MLLT1: variants seen among roughly 807,000 people sequenced by gnomAD.
The protein encoded by MLLT1 is protein ENL.
Under a neutral mutation model 55.1 loss-of-function variants are expected in MLLT1, and 11 were observed. The observed-to-expected ratio is 0.20, with a 90% CI of 0.13 to 0.33. The LOEUF (loss-of-function observed/expected upper bound fraction) is 0.33. Among genes scored for constraint, MLLT1 ranks in the 10% least tolerant of loss-of-function variants. The pLI is 1.00. For synonymous variants in MLLT1, 323 were observed against 320.1 expected, an observed-to-expected ratio of 1.01 and a Z score of -0.10; for missense variants, 536 against 760.6, an observed-to-expected ratio of 0.70 and a Z score of 3.47.
intron 3 of MLLT1, among the ~76,000 whole-genome samples, chr19:6,245,127 G>A (rs1430312336): frequency 5.3e-5 from 8 of 151,926 alleles, no homozygotes; most frequent in Admixed American, 1.3e-4. Context: ...GATCACTTGA[G>A]GCTGGGGGTT....
At chr19:6,252,170 G>C (rs2091221393) in intron 3 of MLLT1, among the ~76,000 whole-genome samples, 1 of 152,134 alleles carries the variant, frequency 6.6e-6, no homozygotes, top group Admixed American at 6.5e-5. Context: ...AAGTCAGGGA[G>C]GGCAATCTCT....
rs2090787224 is a variant in MLLT1 at position 6,212,523 on chromosome 19, C to A, written c.*519G>T. The stretch of plus-strand genomic sequence containing the variant: ...GAGAACTATACAGCACAGACCCCAG[C>A]GCAGCGCGAGCCGGGGAGGAGCCGG... On this transcript the variant is annotated 3_prime_UTR_variant, in exon 12 of 12. Transcript: ENST00000252674. The A allele has an allele frequency of 5.6e-6, 6 of 1,080,798 alleles. No individual in the cohort carries two copies. In the South Asian group the frequency reaches 1.7e-4, roughly 31 times the overall value. The allele number at this position is 1,080,798 out of a possible 1,614,324, so 67.0% of individuals were successfully genotyped here.
chr19:6,216,176 G>C (rs2090841362), intron 8 of MLLT1, among the ~76,000 whole-genome samples: 1 of 152,272 alleles, frequency 6.6e-6, no homozygotes, highest in South Asian at 2.1e-4. Context: ...GCCCCAGATG[G>C]GGGCAGCCCT....
intron 5 of MLLT1, among the ~76,000 whole-genome samples, chr19:6,223,684 C>T (rs1391848886): frequency 1.3e-5 from 2 of 152,148 alleles, no homozygotes; most frequent in African/African-American, 2.4e-5. Flanking sequence ...CCAGCCTGGG[C>T]GCTGCTGCTT....
chr19:6,215,305 C>T (rs905928497), intron 8 of MLLT1, among the ~76,000 whole-genome samples: 2 of 152,252 alleles, frequency 1.3e-5, no homozygotes, highest in Non-Finnish European at 2.9e-5. Flanking sequence ...CTTCCGTCAG[C>T]CTCTCTGCGC....
rs188683704 is a variant in MLLT1, at chr19:6,243,586, A to C, written c.277-12873T>G. On this transcript the variant is annotated intron_variant, in intron 3 of 11. Transcript: ENST00000252674. ...GACTCGACCCCTTATGCAGGATCTA[A>C]CAGCAAATGCCACCATGTCACCCCC... Among the ~76,000 whole-genome samples the C allele has an allele frequency of 4.3e-3, 651 of 152,216 alleles. 3 individuals are homozygous for C. The highest frequency in any genetic ancestry group is 0.014 in the African/African-American group (569 of 41,530).
rs1313563152 is a variant in MLLT1, at chr19:6,230,905, G to A, written c.277-192C>T. 1.3e-5 allele frequency among the ~76,000 whole-genome samples: 2 copies of A among 152,154 alleles called. No individual in the cohort carries two copies. The highest frequency in any genetic ancestry group is 2.4e-5 in the African/African-American group (1 of 41,408). ...AAAATCGACCAGCTTACTATGTGCA[G>A]CTAACTGGGTCTTGCAGGCCCCATG... On this transcript the variant is annotated intron_variant, in intron 3 of 11. Coordinates refer to ENST00000252674, the MANE Select transcript of MLLT1 (RefSeq NM_005934.4). This position sits in a 1 kb window ranked among gnomAD's most constrained non-coding sequence, Gnocchi z 9.0.
At chr19:6,254,650 G>A (rs1313950124) in intron 3 of MLLT1, among the ~76,000 whole-genome samples, 7 of 152,210 alleles carry the variant, frequency 4.6e-5, no homozygotes, top group Admixed American at 4.6e-4. Context: ...CACAGTTGGT[G>A]TCAGAAATGT....
rs1465423543 is a variant in MLLT1 at position 6,212,738 on chromosome 19, G to C, written c.*304C>G. 1 of 1,149,714 alleles carries C rather than the reference G, an allele frequency of 8.7e-7. No individual in the cohort carries two copies. Among genetic ancestry groups the C allele is most frequent in the Non-Finnish European group, 1.1e-6 (1 of 920,038 alleles). 71.2% of individuals were successfully genotyped at this position (1,149,714 alleles called of 1,614,324 possible). ...GCAGTGGGGGCTGGTCCCAAGGCTGGGCGAGGGGCCCCCGGCCCTGTCTCT... is the reference window on the plus strand; with the variant it reads ...GCAGTGGGGGCTGGTCCCAAGGCTGCGCGAGGGGCCCCCGGCCCTGTCTCT... On this transcript the variant is annotated 3_prime_UTR_variant, in exon 12 of 12. Coordinates refer to ENST00000252674, the MANE Select transcript of MLLT1 (RefSeq NM_005934.4).
intron 3 of MLLT1, among the ~76,000 whole-genome samples, chr19:6,234,164 G>A (rs1256900809): frequency 6.6e-6 from 1 of 152,254 alleles, no homozygotes; most frequent in Non-Finnish European, 1.5e-5. Flanking sequence ...GGACCGCCAG[G>A]AGCACGCGTG....
chr19:6,278,599 T>G (rs1251836392), intron 1 of MLLT1, among the ~76,000 whole-genome samples: 2 of 151,850 alleles, frequency 1.3e-5, no homozygotes, highest in African/African-American at 4.8e-5. Context: ...AAGGCAAAGG[T>G]TGTACAGGAG....
At position 6,273,057 on chromosome 19, in the gene MLLT1, C is replaced by T. The variant is rs1205284806; in HGVS notation, c.13-2298G>A. On this transcript the variant is annotated intron_variant, in intron 1 of 11. Transcript: ENST00000252674. The surrounding 1 kb of genome is among the most constrained non-coding windows in gnomAD (Gnocchi z 4.3). ...GTTCCCTGGGAAAAGAGGGCAGGGA[C>T]TCCCTAGGGACCAGGCACACTGCAG... Among the ~76,000 whole-genome samples, 1 of 152,142 alleles carries T rather than the reference C, an allele frequency of 6.6e-6. No individual in the cohort carries two copies. Among genetic ancestry groups the T allele is most frequent in the African/African-American group, 2.4e-5 (1 of 41,434 alleles).
intron 2 of MLLT1, among the ~76,000 whole-genome samples, chr19:6,269,419 C>T (rs1301821831): frequency 2.6e-5 from 4 of 152,224 alleles, no homozygotes; most frequent in East Asian, 1.9e-4. Context: ...CAGGAGCCTC[C>T]GCGGCCATCC....
intron 3 of MLLT1, among the ~76,000 whole-genome samples, chr19:6,250,844 G>T (rs2091206963): frequency 6.6e-6 from 1 of 152,220 alleles, no homozygotes; most frequent in South Asian, 2.1e-4. Flanking sequence ...GGAACAGCCT[G>T]CATGGCCGTC....
intron 3 of MLLT1, among the ~76,000 whole-genome samples, chr19:6,248,376 A>G (rs2091186319): frequency 6.6e-6 from 1 of 152,206 alleles, no homozygotes; most frequent in Admixed American, 6.5e-5. Context: ...CTCTCCCTTG[A>G]GTGTGGGCTG....
Position 6,227,603 on chromosome 19 carries a change from C to A in MLLT1, c.421-501G>T, listed in dbSNP as rs1402031948. The stretch of plus-strand genomic sequence containing the variant: ...CGTCCTTGGTGTGCGGTGACTGCAG[C>A]GGACCCGAACAGGGCAAGAGCACCC... On this transcript the variant is annotated intron_variant, in intron 4 of 11. Coordinates refer to ENST00000252674, the MANE Select transcript of MLLT1 (RefSeq NM_005934.4). The surrounding 1 kb of genome is among the most constrained non-coding windows in gnomAD (Gnocchi z 5.1). Among the ~76,000 whole-genome samples the A allele has an allele frequency of 6.6e-6, 1 of 152,210 alleles. No homozygotes were observed. The highest frequency in any genetic ancestry group is 1.9e-4 in the East Asian group (1 of 5,188).
chr19:6,230,561 C>T lies in MLLT1; in HGVS notation c.420+9G>A, dbSNP rs747985909. On this transcript the variant is annotated intron_variant, in intron 4 of 11. Transcript: ENST00000252674. This position sits in a 1 kb window ranked among gnomAD's most constrained non-coding sequence, Gnocchi z 9.0. ...GGCCCCTTGGCGGGCAGGGGCGGGG[C>T]ACACTCACCCCGCCGGCCCGCAGGA... 92 of 1,611,738 alleles carry T rather than the reference C, an allele frequency of 5.7e-5. No homozygotes were observed. The highest frequency in any genetic ancestry group is 5.5e-4 in the Middle Eastern group (3 of 5,482).
rs550011895 is a variant in MLLT1, at chr19:6,264,766, G to A, written c.194-2456C>T. Among the ~76,000 whole-genome samples, 28 of 151,280 alleles carry A rather than the reference G, an allele frequency of 1.9e-4. No individual in the cohort carries two copies. In the East Asian group the frequency reaches 3.9e-3, roughly 21 times the overall value. On this transcript the variant is annotated intron_variant, in intron 2 of 11. Coordinates refer to ENST00000252674, the MANE Select transcript of MLLT1 (RefSeq NM_005934.4). ...AAAAATTAGCCAGGCGTGGTGGTGC[G>A]CACCTGTAATCCCAGCTACTTGGGA... is the stretch of plus-strand genomic sequence containing the variant.
chr19:6,257,103 T>TTCATGAAC (rs2091263576), intron 3 of MLLT1, among the ~76,000 whole-genome samples: 1 of 152,224 alleles, frequency 6.6e-6, no homozygotes. Flanking sequence ...GGGGCAAATC[T>TTCATGAAC]TCATGACCTC....
Sources: gnomAD v4.1 joint callset for allele counts (sites outside exome capture counted in the v4.1 genomes callset) on GRCh38, gnomAD v4.1.1 for gene constraint, Gnocchi (gnomAD v3.1) non-coding constraint, MANE v1.5 for transcripts, NCBI Gene and HGNC (gene_info 2026-07-23, HGNC 2026-07-21) for gene names.